Variants in RABEPK observed in about 807,000 individuals in gnomAD.
The protein encoded by RABEPK is 40 kDa Rab9 effector protein.
Under a neutral mutation model 34.1 loss-of-function variants are expected in RABEPK, and 27 were observed. That is an observed-to-expected ratio of 0.79 (90% CI 0.58 to 1.09). The LOEUF (loss-of-function observed/expected upper bound fraction) is 1.09, where lower values mean the gene tolerates loss of function less well. Among genes scored for constraint, RABEPK ranks in the 50% least tolerant of loss-of-function variants. The probability of loss-of-function intolerance (pLI) is 0.00; values close to 1 mark genes in which losing one functional copy is unlikely to be tolerated. For synonymous variants in RABEPK, 172 were observed against 169.2 expected (o/e 1.02, Z -0.13); for missense variants, 449 against 462.6 (o/e 0.97, Z 0.27).
chr9:125,208,230 C>T (rs193053071), intron 3 of RABEPK, among the ~76,000 whole-genome samples: 16 of 152,264 alleles, frequency 1.1e-4, no homozygotes, highest in South Asian at 2.1e-4. Flanking sequence ...CCTTGTTTAG[C>T]GGGAGAGAAC....
intron 6 of RABEPK, among the ~76,000 whole-genome samples, chr9:125,228,889 G>A (rs2131430526): frequency 6.6e-6 from 1 of 151,562 alleles, no homozygotes; most frequent in African/African-American, 2.4e-5. Flanking sequence ...CTTGAACCCG[G>A]GAGGCAGAGG....
At position 125,213,464 on chromosome 9, in the gene RABEPK, G is replaced by A; in HGVS notation, c.306G>A (p.Trp102Ter). 3 of 1,614,016 alleles carry A rather than the reference G, an allele frequency of 1.9e-6. No individual in the cohort carries two copies. In the South Asian group the frequency reaches 3.3e-5, roughly 18 times the overall value. Residue 102 changes from tryptophan (W) to a stop codon, truncating the protein, a stop_gained, in exon 4 of 8, where the codon TGG becomes TGA. Transcript: ENST00000373538. LOFTEE classifies it high-confidence loss of function. Reference protein sequence around the residue: ...FIPSCTPDRIWVFGGANQSGN... With the variant: ...FIPSCTPDRI ...CCTCCTGCACACCTGACCGTATCTG[G>A]GTATTTGGAGGTGCCAACCAATCAG...
At chr9:125,213,994 C>T (rs1384537135) in intron 4 of RABEPK, among the ~76,000 whole-genome samples, 2 of 151,060 alleles carry the variant, frequency 1.3e-5, no homozygotes, top group Non-Finnish European at 3.0e-5. Flanking sequence ...TAGTGGTGGG[C>T]GCCTATAATC....
chr9:125,219,929 C>T (rs1373724484), intron 4 of RABEPK, among the ~76,000 whole-genome samples: 2 of 151,920 alleles, frequency 1.3e-5, no homozygotes, highest in African/African-American at 2.4e-5. Context: ...TTAGGGGGAG[C>T]GATAGTGAGC....
chr9:125,207,854 G>GA, intron 3 of RABEPK, 133 bp downstream of exon 3: 1 of 1,098,524 alleles, frequency 9.1e-7, no homozygotes, highest in Non-Finnish European at 1.3e-6. Flanking sequence ...GACCAGGTGT[G>GA]GTGGCTCACG....
intron 2 of RABEPK, among the ~76,000 whole-genome samples, chr9:125,204,912 C>T (rs935076649): frequency 6.6e-6 from 1 of 152,144 alleles, no homozygotes; most frequent in African/African-American, 2.4e-5. Context: ...ATTATAGCCT[C>T]GACCTCCTGG....
intron 4 of RABEPK, among the ~76,000 whole-genome samples, chr9:125,214,792 C>CTTTTT (rs34203731): frequency 7.2e-6 from 1 of 138,916 alleles, no homozygotes; most frequent in Non-Finnish European, 1.5e-5. Context: ...AATTTTCTGT[C>CTTTTT]TTTTTTTTTT....
chr9:125,222,663 G>A (rs1001173626), intron 5 of RABEPK, among the ~76,000 whole-genome samples: 1 of 140,310 alleles, frequency 7.1e-6, no homozygotes, highest in African/African-American at 2.7e-5. Flanking sequence ...GCAATGAGCC[G>A]AGATCTTGCC....
At chr9:125,227,483 G>C (rs954821884) in intron 5 of RABEPK, among the ~76,000 whole-genome samples, 2 of 151,470 alleles carry the variant, frequency 1.3e-5, no homozygotes, top group Admixed American at 6.6e-5. Context: ...ATGCAATGGC[G>C]CAATCTCGGC....
intron 6 of RABEPK, among the ~76,000 whole-genome samples, chr9:125,230,835 G>A (rs552717002): frequency 2.6e-5 from 4 of 151,586 alleles, no homozygotes; most frequent in South Asian, 2.1e-4. Context: ...GCGCCCGGCC[G>A]ACAGATGGAA....
At chr9:125,232,057 G>T (rs1588418810) in intron 6 of RABEPK, among the ~76,000 whole-genome samples, 1 of 151,600 alleles carries the variant, frequency 6.6e-6, no homozygotes, top group African/African-American at 2.4e-5. Context: ...GCACCACCAT[G>T]CCTGGCTAAT....
chr9:125,219,162 A>G (rs986648153), intron 4 of RABEPK, among the ~76,000 whole-genome samples: 11 of 146,006 alleles, frequency 7.5e-5, no homozygotes, highest in African/African-American at 2.8e-4. Flanking sequence ...CTGAAATGTA[A>G]TAGTATTGTC....
chr9:125,227,507 C>T (rs1015095413), intron 5 of RABEPK, among the ~76,000 whole-genome samples: 6 of 151,932 alleles, frequency 3.9e-5, no homozygotes, highest in Non-Finnish European at 7.4e-5. Flanking sequence ...CTTCAACCTC[C>T]ACCTCTCGGG....
At chr9:125,203,204 GTC>G in intron 2 of RABEPK, 138 bp downstream of exon 2, 1 of 650,660 alleles carries the variant, frequency 1.5e-6, no homozygotes, top group Middle Eastern at 2.7e-4. Context: ...GACTCAAACT[GTC>G]TGAGAAAGTC....
chr9:125,225,693 G>T (rs894571180), intron 5 of RABEPK, among the ~76,000 whole-genome samples: 1 of 152,082 alleles, frequency 6.6e-6, no homozygotes, highest in Non-Finnish European at 1.5e-5. Context: ...AGGAGTGGTG[G>T]CTAACGCCTG....
intron 6 of RABEPK, among the ~76,000 whole-genome samples, chr9:125,230,826 C>T (rs908923990): frequency 2.6e-5 from 4 of 151,662 alleles, no homozygotes; most frequent in Non-Finnish European, 4.4e-5. Context: ...TGAGCCACTG[C>T]GCCCGGCCGA....
At chr9:125,206,992 G>A (rs1237441550) in intron 2 of RABEPK, among the ~76,000 whole-genome samples, 1 of 151,954 alleles carries the variant, frequency 6.6e-6, no homozygotes, top group East Asian at 1.9e-4. Context: ...GGGAGGCTGA[G>A]GCAGGAGAAT....
At chr9:125,230,965 G>GATT (rs1260923452) in intron 6 of RABEPK, among the ~76,000 whole-genome samples, 1 of 152,016 alleles carries the variant, frequency 6.6e-6, no homozygotes, top group African/African-American at 2.4e-5. Flanking sequence ...GCCTACCCAA[G>GATT]TAGTTCTCTA....
intron 4 of RABEPK, among the ~76,000 whole-genome samples, chr9:125,218,346 A>AG (rs386416203): frequency 4.0e-5 from 6 of 151,198 alleles, no homozygotes; most frequent in African/African-American, 1.5e-4. Context: ...AAAAAAAAAA[A>AG]AAGAACTGAG....
Sources: allele counts gnomAD v4.1 joint callset (sites outside exome capture counted in the v4.1 genomes callset), GRCh38; gene constraint gnomAD v4.1.1; transcripts MANE v1.5; gene names NCBI Gene and HGNC (gene_info 2026-07-23, HGNC 2026-07-21).